The following TRHDE variants were observed in gnomAD, a reference collection of about 807,000 sequenced individuals.
TRHDE encodes thyrotropin-releasing hormone-degrading ectoenzyme.
Under a neutral mutation model 125.7 loss-of-function variants are expected in TRHDE, and 72 were observed. The ratio of observed to expected loss-of-function variants is 0.57; its 90% CI spans 0.47 to 0.70. TRHDE has a LOEUF of 0.70. TRHDE is among the 30% of genes least tolerant of loss of function. TRHDE has a pLI of 0.00. For missense variants in TRHDE, 1,110 were observed against 1,327.1 expected, an observed-to-expected ratio of 0.84 and a Z score of 2.54; for synonymous variants, 509 against 509.1, an observed-to-expected ratio of 1.00 and a Z score of 0.00.
intron 3 of TRHDE, among the ~76,000 whole-genome samples, chr12:72,448,338 T>C (rs1434293975): frequency 6.6e-6 from 1 of 152,074 alleles, no homozygotes; most frequent in Non-Finnish European, 1.5e-5. Context: ...ATGGCTTCAT[T>C]TGGGCTAGCA....
chr12:72,253,772 C>A (rs1056270618), intron 2 of TRHDE: 2 of 152,036 alleles, frequency 1.3e-5, no homozygotes, highest in African/African-American at 4.8e-5. Context: ...TTATCAAATG[C>A]TTTTTCTGCA....
At chr12:72,459,636 T>C (rs1288877039) in intron 3 of TRHDE, among the ~76,000 whole-genome samples, 2 of 152,120 alleles carry the variant, frequency 1.3e-5, no homozygotes, top group Admixed American at 1.3e-4. Flanking sequence ...TTTTTTATTC[T>C]TTTAGAGACA....
chr12:72,248,047 G>A lies in TRHDE; in HGVS notation n.280-129948G>A, dbSNP rs554896098. The stretch of plus-strand genomic sequence containing the variant: ...TGTGTATGTGTATGTGTGTACATAT[G>A]TATGCATGCATGTGTGTATATGTGT... On this transcript the variant is annotated intron_variant and non_coding_transcript_variant, in intron 2 of 4. Transcript: ENST00000548156. Among the ~76,000 whole-genome samples, 3 of 152,238 alleles carry A rather than the reference G, an allele frequency of 2.0e-5. No individual in the cohort carries two copies. In the South Asian group the frequency reaches 6.2e-4, roughly 32 times the overall value.
At chr12:72,305,094 A>C (rs534047104) in intron 2 of TRHDE, among the ~76,000 whole-genome samples, 13 of 152,126 alleles carry the variant, frequency 8.5e-5, no homozygotes, top group Non-Finnish European at 1.6e-4. Flanking sequence ...GACACAGAAA[A>C]ATTTCAACAA....
At chr12:72,271,436 G>T (rs1879205666), upstream of TRHDE, among the ~76,000 whole-genome samples, 1 of 152,078 alleles carries the variant, frequency 6.6e-6, no homozygotes, top group Non-Finnish European at 1.5e-5. Flanking sequence ...GTGGGGCTAA[G>T]GAGTCAGGAA....
chr12:72,497,487 T>A (rs899756212), intron 5 of TRHDE, among the ~76,000 whole-genome samples: 2 of 152,154 alleles, frequency 1.3e-5, no homozygotes, highest in African/African-American at 4.8e-5. Context: ...TTGTTTTAGA[T>A]CAGGTACTTG....
At chr12:72,653,238 A>G (rs1234868024) in intron 17 of TRHDE, 82 bp downstream of exon 17, 8 of 1,197,898 alleles carry the variant, frequency 6.7e-6, no homozygotes, top group Non-Finnish European at 8.1e-6. Flanking sequence ...TGTTAAAGCT[A>G]AGATCCATGC....
At chr12:72,575,568 A>G (rs760809753) in intron 12 of TRHDE, 26 bp downstream of exon 12, 37 of 1,611,232 alleles carry the variant, frequency 2.3e-5, no homozygotes, top group Middle Eastern at 1.6e-4. Context: ...GATCTCCCCA[A>G]TAAAAACTTG....
intron 5 of TRHDE, among the ~76,000 whole-genome samples, chr12:72,478,877 A>G (rs1306241922): frequency 6.6e-6 from 1 of 151,108 alleles, no homozygotes; most frequent in African/African-American, 2.4e-5. Context: ...CTGACACTGG[A>G]ATCTAACCAG....
chr12:72,159,098 C>A (rs927568432), intron 2 of TRHDE, among the ~76,000 whole-genome samples: 2 of 152,132 alleles, frequency 1.3e-5, no homozygotes, highest in Non-Finnish European at 2.9e-5. Context: ...TTTATTTATT[C>A]ATTTATTTAA....
At chr12:72,588,116 T>A (rs1191634877) in intron 12 of TRHDE, among the ~76,000 whole-genome samples, 1 of 152,206 alleles carries the variant, frequency 6.6e-6, no homozygotes, top group Non-Finnish European at 1.5e-5. Context: ...CACTTCACAA[T>A]GCTTATAGTG....
intron 2 of TRHDE, among the ~76,000 whole-genome samples, chr12:72,314,276 C>T (rs958962615): frequency 2.7e-5 from 4 of 149,188 alleles, no homozygotes; most frequent in African/African-American, 7.4e-5. Flanking sequence ...CTCTCTCTTT[C>T]TCTTTTCTTT....
chr12:72,590,839 T>G (rs1871642377), intron 12 of TRHDE, among the ~76,000 whole-genome samples: 1 of 152,194 alleles, frequency 6.6e-6, no homozygotes, highest in South Asian at 2.1e-4. Context: ...TGGATTTAGG[T>G]CTGTCATTTT....
intron 3 of TRHDE, among the ~76,000 whole-genome samples, chr12:72,391,340 C>T (rs12301315): frequency 0.062 from 9,408 of 152,118 alleles, 611 homozygotes; most frequent in African/African-American, 0.15. Flanking sequence ...AATACACAAG[C>T]GGAGCAAATC....
intron 2 of TRHDE, among the ~76,000 whole-genome samples, chr12:72,319,998 A>T (rs1869004382): frequency 6.6e-6 from 1 of 152,086 alleles, no homozygotes; most frequent in Admixed American, 6.6e-5. Context: ...TACTGATAAT[A>T]CTTCTGGCTT....
At chr12:72,562,267 T>C in intron 8 of TRHDE, 37 bp downstream of exon 8, 2 of 1,064,096 alleles carry the variant, frequency 1.9e-6, no homozygotes, top group South Asian at 1.5e-5. Context: ...AAACCTCTAC[T>C]TGAATATTTG....
intron 16 of TRHDE, among the ~76,000 whole-genome samples, chr12:72,652,788 A>G (rs1226786411): frequency 6.6e-6 from 1 of 151,848 alleles, no homozygotes; most frequent in Non-Finnish European, 1.5e-5. Flanking sequence ...ATTGTGATAT[A>G]TCCTTTCACA....
intron 2 of TRHDE, among the ~76,000 whole-genome samples, chr12:72,239,689 G>A (rs1787848945): frequency 6.6e-6 from 1 of 152,188 alleles, no homozygotes; most frequent in South Asian, 2.1e-4. Context: ...CATCGATGGA[G>A]CAGGTTTTAG....
At chr12:72,556,778 T>G (rs1482657528) in intron 7 of TRHDE, among the ~76,000 whole-genome samples, 2 of 152,178 alleles carry the variant, frequency 1.3e-5, no homozygotes, top group Non-Finnish European at 2.9e-5. Context: ...CAATTATTCT[T>G]GATAGAAAGC....
Sources: allele counts gnomAD v4.1 joint callset (sites outside exome capture counted in the v4.1 genomes callset), GRCh38; gene constraint gnomAD v4.1.1; transcripts MANE v1.5; gene names NCBI Gene and HGNC (gene_info 2026-07-23, HGNC 2026-07-21).